The following ZFAT variants were observed in gnomAD, a reference collection of about 807,000 sequenced individuals.
ZFAT encodes the protein zinc finger and AT-hook domain containing.
In ZFAT, 64 loss-of-function variants were observed where a neutral mutation model predicts 117.7. The ratio of observed to expected loss-of-function variants is 0.54; its 90% confidence interval spans 0.44 to 0.67. The LOEUF (loss-of-function observed/expected upper bound fraction) is 0.67, where lower values mean the gene tolerates loss of function less well. Ranked by LOEUF, ZFAT falls within the 30% of genes least tolerant of loss-of-function variation. The pLI is 0.00. For missense variants in ZFAT, 1,433 were observed against 1,584.5 expected (o/e 0.90, Z 1.62); for synonymous variants, 679 against 615.0 (o/e 1.10, Z -1.54).
intron 10 of ZFAT, 24 bp from the exon 11 acceptor site, chr8:134,565,445 TG>T: frequency 1.2e-6 from 2 of 1,609,438 alleles, no homozygotes; most frequent in South Asian, 1.1e-5. Flanking sequence ...GAGGACAAGA[TG>T]AGCGTCGCCA....
intron 3 of ZFAT, among the ~76,000 whole-genome samples, chr8:134,622,641 C>T (rs534246496): frequency 6.6e-6 from 1 of 152,154 alleles, no homozygotes; most frequent in Non-Finnish European, 1.5e-5. Flanking sequence ...GCCCCTCCCC[C>T]CTCTCCACCC....
chr8:134,501,931 A>G (rs936802977), intron 15 of ZFAT, among the ~76,000 whole-genome samples: 8 of 152,232 alleles, frequency 5.3e-5, no homozygotes, highest in Non-Finnish European at 8.8e-5. Context: ...TCCCACTTTA[A>G]GACAATTCAG....
chr8:134,740,237 T>C, the ZFAT span, among the ~76,000 whole-genome samples: 6 of 152,186 alleles, frequency 3.9e-5, no homozygotes, highest in African/African-American at 1.4e-4. Context: ...TGAGGTAGAA[T>C]TCGCAGGAAG....
chr8:134,561,897 G>A (rs1405604964), intron 11 of ZFAT, among the ~76,000 whole-genome samples: 1 of 152,178 alleles, frequency 6.6e-6, no homozygotes, highest in Non-Finnish European at 1.5e-5. Flanking sequence ...GGGTATGGTT[G>A]GCAGAATAAT....
rs193113318 is a variant in ZFAT at position 134,702,758 on chromosome 8, G to A, written c.19+10087C>T. Among the ~76,000 whole-genome samples, 734 of 150,174 alleles carry A rather than the reference G, an allele frequency of 4.9e-3. 8 individuals are homozygous for A. The highest frequency in any genetic ancestry group is 0.017 in the African/African-American group (675 of 40,780). On this transcript the variant is annotated intron_variant, in intron 1 of 15. Coordinates refer to ENST00000377838, the MANE Select transcript of ZFAT (RefSeq NM_020863.4). The stretch of plus-strand genomic sequence containing the variant: ...GCGATCTCGGCTCACTGCAAGCTCC[G>A]CCTTCCGGGTTCACACCATTCTCCT...
chr8:134,655,925 G>C (rs945807767), intron 2 of ZFAT, among the ~76,000 whole-genome samples: 9 of 151,872 alleles, frequency 5.9e-5, no homozygotes, highest in African/African-American at 1.7e-4. Flanking sequence ...GTGGTGGCGG[G>C]CACCTGTAGT....
At chr8:134,711,339 G>T (rs1261764382) in intron 1 of ZFAT, among the ~76,000 whole-genome samples, 1 of 152,212 alleles carries the variant, frequency 6.6e-6, no homozygotes, top group Admixed American at 6.5e-5. Flanking sequence ...CCTCATGTCA[G>T]TGCTCAAAGT....
At position 134,566,393 on chromosome 8, in the gene ZFAT, CAAAAA is replaced by C. The variant is rs57041885; in HGVS notation, c.2888-977_2888-973del. The stretch of plus-strand genomic sequence containing the variant: ...TGGGCGACAGAGCAAGACTCCAACT[CAAAAA>C]AAAAAAAAAAAAGATTAAGGTTTTA... On this transcript the variant is annotated intron_variant, in intron 10 of 15. Transcript: ENST00000377838. 9.3e-4 allele frequency among the ~76,000 whole-genome samples: 72 copies of C among 77,290 alleles called. No individual in the cohort carries two copies. The South Asian group carries it at 0.02, about 21-fold the overall frequency. The allele number at this position is 77,290 out of a possible 152,430, so 50.7% of individuals were successfully genotyped here. A position where few individuals can be genotyped will look rare whatever the true frequency, so the allele number is the denominator to read the frequency against.
At chr8:134,799,994 C>A in the ZFAT span, among the ~76,000 whole-genome samples, 1 of 152,030 alleles carries the variant, frequency 6.6e-6, no homozygotes, top group Admixed American at 6.6e-5. Flanking sequence ...GATGAGAAAA[C>A]CACTGAGGTA....
intron 2 of ZFAT, among the ~76,000 whole-genome samples, chr8:134,645,785 A>G (rs558008242): frequency 2.6e-5 from 4 of 152,358 alleles, no homozygotes; most frequent in African/African-American, 9.6e-5. Flanking sequence ...ATAAACCAAC[A>G]AATTCTAATA....
At chr8:134,655,350 T>C (rs1267018057) in intron 2 of ZFAT, among the ~76,000 whole-genome samples, 1 of 152,152 alleles carries the variant, frequency 6.6e-6, no homozygotes, top group Non-Finnish European at 1.5e-5. Context: ...ATTTCCTATT[T>C]ATAAAAGAAA....
At chr8:134,757,697 T>G in the ZFAT span, among the ~76,000 whole-genome samples, 1 of 152,164 alleles carries the variant, frequency 6.6e-6, no homozygotes, top group Non-Finnish European at 1.5e-5. Context: ...TGGAAAGAGA[T>G]AAAAACAGAC....
chr8:134,517,746 T>G (rs573187602), intron 13 of ZFAT, among the ~76,000 whole-genome samples: 2 of 152,348 alleles, frequency 1.3e-5, no homozygotes, highest in Non-Finnish European at 2.9e-5. Flanking sequence ...TTTCCATATC[T>G]TTCATGACCT....
rs573469375 is a variant in ZFAT at position 134,663,595 on chromosome 8, G to A, written c.20-5858C>T. On this transcript the variant is annotated intron_variant, in intron 1 of 15. Coordinates refer to ENST00000377838, the MANE Select transcript of ZFAT (RefSeq NM_020863.4). ...CCACTAAAAATACAAAAAATTAGCC[G>A]GGGGTGGGGGCATACACCTACAATC... Among the ~76,000 whole-genome samples the A allele has an allele frequency of 3.9e-5, 6 of 152,138 alleles. No individual in the cohort carries two copies. The East Asian group carries it at 5.8e-4, about 15-fold the overall frequency.
chr8:134,611,473 G>T (rs1347240563), intron 3 of ZFAT, among the ~76,000 whole-genome samples: 2 of 152,230 alleles, frequency 1.3e-5, no homozygotes, highest in African/African-American at 4.8e-5. Flanking sequence ...GGGCGTCAGA[G>T]CTGGGCCCTA....
the ZFAT span, among the ~76,000 whole-genome samples, chr8:134,730,795 G>C: frequency 1.3e-5 from 2 of 152,198 alleles, no homozygotes; most frequent in Non-Finnish European, 2.9e-5. Context: ...GATGACGAAG[G>C]CATGCAAATT....
At chr8:134,481,010 G>A (rs1269466031) in intron 15 of ZFAT, among the ~76,000 whole-genome samples, 1 of 152,184 alleles carries the variant, frequency 6.6e-6, no homozygotes, top group Non-Finnish European at 1.5e-5. Context: ...TGGACTGATA[G>A]AATTCACCCG....
intron 11 of ZFAT, among the ~76,000 whole-genome samples, chr8:134,536,841 C>G (rs1821880551): frequency 1.3e-5 from 2 of 152,124 alleles, no homozygotes; most frequent in South Asian, 4.1e-4. Context: ...TCGCAAACAA[C>G]AAATGACACT....
the ZFAT span, among the ~76,000 whole-genome samples, chr8:134,743,789 G>A: frequency 1.3e-5 from 2 of 152,180 alleles, no homozygotes; most frequent in Admixed American, 6.5e-5. Context: ...CAGTCACAGC[G>A]AGAAGAGAAC....
Sources: gnomAD v4.1 joint callset for allele counts (sites outside exome capture counted in the v4.1 genomes callset) on GRCh38, gnomAD v4.1.1 for gene constraint, MANE v1.5 for transcripts, NCBI Gene and HGNC (gene_info 2026-07-23, HGNC 2026-07-21) for gene names.